Variants in ELAVL4 observed in about 807,000 individuals in gnomAD.
ELAVL4 encodes the protein ELAV like RNA binding protein 4.
A neutral mutation model predicts 35.6 loss-of-function variants in ELAVL4; 1 was observed. The ratio of observed to expected loss-of-function variants is 0.03; its 90% confidence interval spans 0.01 to 0.13. The LOEUF is 0.13. Among genes scored for constraint, ELAVL4 ranks in the 10% least tolerant of loss-of-function variants. The pLI is 1.00. For synonymous variants in ELAVL4, 156 were observed against 171.0 expected, an observed-to-expected ratio of 0.91 and a Z score of 0.69; for missense variants, 267 against 464.9, an observed-to-expected ratio of 0.57 and a Z score of 3.91.
chr1:50,068,775 G>A (rs1013961190), intron 1 of ELAVL4, among the ~76,000 whole-genome samples: 4 of 152,150 alleles, frequency 2.6e-5, no homozygotes, highest in African/African-American at 4.8e-5. Context: ...GGATTTAAAT[G>A]GAAGTCTGCA....
At chr1:50,194,440 A>G (rs1023723352) in intron 4 of ELAVL4, among the ~76,000 whole-genome samples, 1 of 152,216 alleles carries the variant, frequency 6.6e-6, no homozygotes, top group Non-Finnish European at 1.5e-5. Context: ...CATAATAAAG[A>G]AAGGCAGCCA....
chr1:50,075,346 A>G (rs1664713215), intron 1 of ELAVL4, among the ~76,000 whole-genome samples: 1 of 152,200 alleles, frequency 6.6e-6, no homozygotes, highest in South Asian at 2.1e-4. Flanking sequence ...ATTTTGAAGC[A>G]TACATCAAAG....
At chr1:50,092,415 GT>G (rs1665536080) in intron 1 of ELAVL4, among the ~76,000 whole-genome samples, 1 of 152,186 alleles carries the variant, frequency 6.6e-6, no homozygotes, top group Non-Finnish European at 1.5e-5. Flanking sequence ...TTTCGGGATG[GT>G]TTTAGAGAGT....
chr1:50,048,983 C>A (rs1663217559), intron 1 of ELAVL4, among the ~76,000 whole-genome samples: 1 of 152,086 alleles, frequency 6.6e-6, no homozygotes, highest in Non-Finnish European at 1.5e-5. Flanking sequence ...AAGGAGAGAA[C>A]CTCCCCTCCC....
intron 1 of ELAVL4, among the ~76,000 whole-genome samples, chr1:50,079,011 A>G (rs1332276163): frequency 6.6e-6 from 1 of 152,180 alleles, no homozygotes; most frequent in Non-Finnish European, 1.5e-5. Flanking sequence ...TCTAGTTATT[A>G]TCCATCTCTC....
At chr1:50,118,212 T>G (rs1358649825) in intron 1 of ELAVL4, among the ~76,000 whole-genome samples, 1 of 152,134 alleles carries the variant, frequency 6.6e-6, no homozygotes, top group Non-Finnish European at 1.5e-5. Context: ...GATCTATTTT[T>G]TTTCCTTTTC....
At chr1:50,089,355 C>A (rs1665393061) in intron 1 of ELAVL4, among the ~76,000 whole-genome samples, 1 of 152,110 alleles carries the variant, frequency 6.6e-6, no homozygotes. Context: ...TTTTTAGATT[C>A]CAGGATGATC....
At chr1:50,103,984 A>G, upstream of ELAVL4, 3 of 1,614,040 alleles carry the variant, frequency 1.9e-6, no homozygotes, top group Non-Finnish European at 2.5e-6. Context: ...TGAGCCGGCT[A>G]CAGTCATATG....
At chr1:50,193,693 T>G in intron 3 of ELAVL4, 72 bp from the exon 4 acceptor site, 1 of 1,522,038 alleles carries the variant, frequency 6.6e-7, no homozygotes, top group East Asian at 2.3e-5. Flanking sequence ...GCTGTCATCT[T>G]GGTTGTGGAC....
chr1:50,145,012 A>G lies in ELAVL4; in HGVS notation c.65A>G (p.Asn22Ser), dbSNP rs747257950. Residue 22 changes from asparagine to serine, a missense_variant, in exon 2 of 7, where the codon AAT (asparagine) becomes AGT (serine). Coordinates refer to ENST00000371824, the MANE Select transcript of ELAVL4 (RefSeq NM_001144774.3). Reference protein sequence around the residue: ...VSNGPTSNTSNGPSSNNRNCP... With the variant: ...VSNGPTSNTSSGPSSNNRNCP... The stretch of plus-strand genomic sequence containing the variant: ...AATGGTCCGACATCCAATACAAGCA[A>G]TGGACCCTCCAGCAACAACAGAAAC... The G allele has an allele frequency of 1.3e-5, 21 of 1,613,946 alleles. No homozygotes were observed. Among genetic ancestry groups the G allele is most frequent in the Non-Finnish European group, 1.7e-5 (20 of 1,179,940 alleles).
chr1:50,196,444 G>T (rs1644065793), intron 5 of ELAVL4, among the ~76,000 whole-genome samples: 1 of 152,184 alleles, frequency 6.6e-6, no homozygotes, highest in African/African-American at 2.4e-5. Flanking sequence ...GTATGACCTT[G>T]ACTGGTCTCT....
intron 1 of ELAVL4, chr1:50,109,861 A>G (rs1233512216): frequency 9.5e-6 from 15 of 1,584,032 alleles, no homozygotes; most frequent in Non-Finnish European, 1.2e-5. Context: ...CAGCTCTGTA[A>G]GAAGGAATGT....
At chr1:50,090,301 C>G (rs771247065) in intron 1 of ELAVL4, among the ~76,000 whole-genome samples, 29 of 152,156 alleles carry the variant, frequency 1.9e-4, no homozygotes, top group Admixed American at 7.9e-4. Flanking sequence ...TCTCCTACCC[C>G]CTTCCTCTGC....
intron 1 of ELAVL4, among the ~76,000 whole-genome samples, chr1:50,139,158 A>G (rs903469070): frequency 6.6e-6 from 1 of 152,142 alleles, no homozygotes; most frequent in Non-Finnish European, 1.5e-5. Context: ...ATTGGCTTGT[A>G]CTTCACAGGG....
At chr1:50,133,599 AAAAGAAAGAAAG>A (rs56304409) in intron 1 of ELAVL4, among the ~76,000 whole-genome samples, 3,252 of 129,230 alleles carry the variant, frequency 0.025, 109 homozygotes, top group African/African-American at 0.075. Context: ...AGAAAGAAAG[AAAAGAAAGAAAG>A]AAAGAAAGAA....
intron 1 of ELAVL4, among the ~76,000 whole-genome samples, chr1:50,128,519 C>T (rs1204415314): frequency 6.6e-6 from 1 of 152,058 alleles, no homozygotes; most frequent in Non-Finnish European, 1.5e-5. Context: ...CAAACACAGT[C>T]GCAGTCCTCA....
chr1:50,157,197 T>C (rs1378980290), intron 2 of ELAVL4, among the ~76,000 whole-genome samples: 1 of 152,206 alleles, frequency 6.6e-6, no homozygotes, highest in East Asian at 1.9e-4. Context: ...AAGGATCCAC[T>C]AAGTTCTTGT....
At chr1:50,109,897 G>A (rs1666763851) in intron 1 of ELAVL4, 1 of 1,610,988 alleles carries the variant, frequency 6.2e-7, no homozygotes, top group African/African-American at 1.3e-5. Context: ...GTTCCTTTCC[G>A]CTTTTGACAC....
chr1:50,198,420 T>C (rs1644191634), intron 6 of ELAVL4, among the ~76,000 whole-genome samples: 1 of 152,140 alleles, frequency 6.6e-6, no homozygotes, highest in Non-Finnish European at 1.5e-5. Context: ...TAGTCTTTAA[T>C]AGTCCACATC....
Sources: allele counts gnomAD v4.1 joint callset (sites outside exome capture counted in the v4.1 genomes callset), GRCh38; gene constraint gnomAD v4.1.1; transcripts MANE v1.5; gene names NCBI Gene and HGNC (gene_info 2026-07-23, HGNC 2026-07-21).